The following TMEM132D variants were observed in gnomAD, a reference collection of about 807,000 sequenced individuals.
TMEM132D encodes the protein transmembrane protein 132D.
TMEM132D carries 21 observed loss-of-function variants against 62.3 expected under a neutral mutation model. That is an observed-to-expected ratio of 0.34 (90% CI 0.24 to 0.49). The LOEUF is 0.49. TMEM132D is among the 20% of genes least tolerant of loss of function. TMEM132D has a pLI of 0.99. For missense variants in TMEM132D, 1,346 were observed against 1,402.8 expected, an observed-to-expected ratio of 0.96 and a Z score of 0.65; for synonymous variants, 621 against 575.6, an observed-to-expected ratio of 1.08 and a Z score of -1.13.
intron 1 of TMEM132D, among the ~76,000 whole-genome samples, chr12:129,848,247 G>A (rs769195671): frequency 1.3e-4 from 20 of 152,120 alleles, no homozygotes; most frequent in Non-Finnish European, 1.8e-4. Flanking sequence ...CTCAAAAATC[G>A]TTTCCTAATG....
At chr12:129,550,188 G>A (rs1876855316) in intron 2 of TMEM132D, among the ~76,000 whole-genome samples, 1 of 152,114 alleles carries the variant, frequency 6.6e-6, no homozygotes, top group Non-Finnish European at 1.5e-5. Flanking sequence ...AAAAGGCAGA[G>A]GGCACATCTT....
At chr12:129,654,254 T>TC (rs1491517550) in intron 2 of TMEM132D, among the ~76,000 whole-genome samples, 2 of 148,694 alleles carry the variant, frequency 1.3e-5, no homozygotes, top group East Asian at 2.0e-4. Context: ...AGTCTCTCTC[T>TC]TTCTCTCTCT....
chr12:129,252,309 G>A (rs1436682906), intron 4 of TMEM132D, among the ~76,000 whole-genome samples: 1 of 152,180 alleles, frequency 6.6e-6, no homozygotes, highest in Non-Finnish European at 1.5e-5. Context: ...GCAGAGGATT[G>A]GGTGTGGGCT....
intron 3 of TMEM132D, among the ~76,000 whole-genome samples, chr12:129,479,100 CAG>C (rs1253759669): frequency 6.6e-6 from 1 of 152,180 alleles, no homozygotes; most frequent in Admixed American, 6.5e-5. Context: ...AGTGTTCAGA[CAG>C]AGTTCTTTGA....
intron 4 of TMEM132D, among the ~76,000 whole-genome samples, chr12:129,257,140 T>C (rs1422057568): frequency 6.6e-6 from 1 of 151,730 alleles, no homozygotes; most frequent in African/African-American, 2.4e-5. Flanking sequence ...CAGTGGCAGA[T>C]GAGTCAATTG....
intron 5 of TMEM132D, among the ~76,000 whole-genome samples, chr12:129,135,179 G>C (rs921773333): frequency 6.6e-6 from 1 of 152,172 alleles, no homozygotes; most frequent in Non-Finnish European, 1.5e-5. Context: ...ATCTGGAGTT[G>C]GGTTTGTGCA....
At chr12:129,144,444 C>G (rs1455756289) in intron 5 of TMEM132D, among the ~76,000 whole-genome samples, 14 of 152,092 alleles carry the variant, frequency 9.2e-5, no homozygotes, top group African/African-American at 3.4e-4. Context: ...ATCTAGGTGC[C>G]ATGTGTTGAA....
At chr12:129,149,762 G>C (rs894609319) in intron 5 of TMEM132D, among the ~76,000 whole-genome samples, 4 of 152,322 alleles carry the variant, frequency 2.6e-5, no homozygotes, top group South Asian at 2.1e-4. Flanking sequence ...ACACTGGGGG[G>C]CTGGGAGCCA....
rs186745444 is a variant in TMEM132D at position 129,537,434 on chromosome 12, G to T, written c.969-6229C>A. ...AGACCCTTTAATTCCCAAGAACGGG[G>T]TGCATGACACACAGCAGCGGCAGCC... On this transcript the variant is annotated intron_variant, in intron 2 of 8. Transcript: ENST00000422113. Among the ~76,000 whole-genome samples, 12 of 152,244 alleles carry T rather than the reference G, an allele frequency of 7.9e-5. 1 individual carries two copies. The highest frequency in any genetic ancestry group is 2.9e-4 in the African/African-American group (12 of 41,534).
intron 3 of TMEM132D, among the ~76,000 whole-genome samples, chr12:129,387,283 A>G (rs1871133842): frequency 1.7e-5 from 2 of 120,858 alleles, no homozygotes; most frequent in South Asian, 5.4e-4. Flanking sequence ...TGCTAATAGT[A>G]TGTGCCAATG....
At chr12:129,083,380 G>C (rs763715982) in intron 6 of TMEM132D, among the ~76,000 whole-genome samples, 2 of 152,226 alleles carry the variant, frequency 1.3e-5, no homozygotes, top group Non-Finnish European at 2.9e-5. Context: ...GAACCAGGCA[G>C]CTGTGACAGC....
chr12:129,409,657 A>T (rs1239385220), intron 3 of TMEM132D, among the ~76,000 whole-genome samples: 1 of 152,298 alleles, frequency 6.6e-6, no homozygotes, highest in African/African-American at 2.4e-5. Flanking sequence ...AATTCCTATA[A>T]AATAAATAAA....
intron 5 of TMEM132D, among the ~76,000 whole-genome samples, chr12:129,165,270 T>C (rs1877510405): frequency 6.6e-6 from 1 of 152,168 alleles, no homozygotes; most frequent in African/African-American, 2.4e-5. Context: ...GTGATGTACA[T>C]CTGGATGACT....
intron 4 of TMEM132D, among the ~76,000 whole-genome samples, chr12:129,236,104 T>TGTG (rs1879773089): frequency 5.4e-5 from 8 of 146,808 alleles, no homozygotes; most frequent in African/African-American, 2.0e-4. Context: ...TGATGCTATT[T>TGTG]TGTGTGTGTG....
intron 4 of TMEM132D, among the ~76,000 whole-genome samples, chr12:129,283,337 G>A (rs914916528): frequency 2.6e-5 from 4 of 152,100 alleles, no homozygotes; most frequent in Non-Finnish European, 5.9e-5. Context: ...GATTACAGGT[G>A]CATGCCACCA....
At chr12:129,462,209 T>G (rs903664595) in intron 3 of TMEM132D, among the ~76,000 whole-genome samples, 2 of 152,102 alleles carry the variant, frequency 1.3e-5, no homozygotes, top group Non-Finnish European at 2.9e-5. Flanking sequence ...AGGCGCTTCT[T>G]GTTCTGAAGT....
At chr12:129,354,604 G>T (rs762716500) in intron 3 of TMEM132D, among the ~76,000 whole-genome samples, 1 of 152,170 alleles carries the variant, frequency 6.6e-6, no homozygotes, top group Non-Finnish European at 1.5e-5. Context: ...TTACAGGCGT[G>T]AGCCACTGCG....
At chr12:129,076,469 G>C (rs968773686) in intron 8 of TMEM132D, among the ~76,000 whole-genome samples, 2 of 152,142 alleles carry the variant, frequency 1.3e-5, no homozygotes, top group Non-Finnish European at 2.9e-5. Flanking sequence ...CACAGTTGTT[G>C]TTTAGTCTTT....
At chr12:129,092,651 G>C (rs557770618) in intron 5 of TMEM132D, among the ~76,000 whole-genome samples, 21 of 152,034 alleles carry the variant, frequency 1.4e-4, no homozygotes, top group Non-Finnish European at 2.9e-4. Context: ...GCTGAGACTC[G>C]CGCCATTTTA....
Sources: gnomAD v4.1 joint callset for allele counts (sites outside exome capture counted in the v4.1 genomes callset) on GRCh38, gnomAD v4.1.1 for gene constraint, MANE v1.5 for transcripts, NCBI Gene and HGNC (gene_info 2026-07-23, HGNC 2026-07-21) for gene names.